CRACR2A: variants seen among roughly 807,000 people sequenced by gnomAD.
The protein encoded by CRACR2A is calcium release activated channel regulator 2A, also known as EF-hand calcium-binding domain-containing protein 4B.
CRACR2A carries 79 observed loss-of-function variants against 90.5 expected under a neutral mutation model. The ratio of observed to expected loss-of-function variants is 0.87; its 90% CI spans 0.73 to 1.05. The LOEUF is 1.05. CRACR2A is among the 50% of genes least tolerant of loss of function. The pLI is 0.00. For missense variants in CRACR2A, 823 were observed against 897.2 expected (o/e 0.92, Z 1.06); for synonymous variants, 338 against 356.7 (o/e 0.95, Z 0.59).
At chr12:3,627,371 T>C (rs746650561) in intron 17 of CRACR2A, 65 bp downstream of exon 17, 273 of 1,244,288 alleles carry the variant, frequency 2.2e-4, no homozygotes, top group Non-Finnish European at 2.9e-4. Context: ...ACGTGGGAGA[T>C]GGACAGAGAA....
At chr12:3,706,968 A>C (rs1215206962) in intron 3 of CRACR2A, among the ~76,000 whole-genome samples, 3 of 152,234 alleles carry the variant, frequency 2.0e-5, no homozygotes, top group Non-Finnish European at 4.4e-5. Flanking sequence ...TATTATAATA[A>C]AATGAACTAA....
At chr12:3,619,551 A>G (rs1867772703) in intron 17 of CRACR2A, among the ~76,000 whole-genome samples, 179 bp from the exon 18 acceptor site, 1 of 152,076 alleles carries the variant, frequency 6.6e-6, no homozygotes, top group Admixed American at 6.5e-5. Context: ...CAAGAGCCTC[A>G]GTTTATCATG....
chr12:3,719,772 C>T (rs1946129661), intron 2 of CRACR2A, among the ~76,000 whole-genome samples: 1 of 152,168 alleles, frequency 6.6e-6, no homozygotes, highest in African/African-American at 2.4e-5. Flanking sequence ...CTTATATCTG[C>T]TTTCATTGTC....
chr12:3,648,120 T>A (rs1201116708), intron 11 of CRACR2A: 1 of 1,014,392 alleles, frequency 9.9e-7, no homozygotes, highest in African/African-American at 1.7e-5. Context: ...AAATTACTTC[T>A]TTCCTCTAAT....
At chr12:3,720,149 G>C (rs1351782284) in intron 2 of CRACR2A, among the ~76,000 whole-genome samples, 1 of 106,528 alleles carries the variant, frequency 9.4e-6, no homozygotes, top group Admixed American at 1.4e-4. Flanking sequence ...AGAAAAGAAA[G>C]AAAGAAAGAG....
At chr12:3,697,698 C>A (rs1242799867) in intron 3 of CRACR2A, among the ~76,000 whole-genome samples, 1 of 152,188 alleles carries the variant, frequency 6.6e-6, no homozygotes, top group Non-Finnish European at 1.5e-5. Context: ...TGAGCTCTTG[C>A]CCAATGTCAT....
At chr12:3,656,541 G>A (rs917919846) in intron 8 of CRACR2A, 135 bp from the exon 9 acceptor site, 3 of 741,582 alleles carry the variant, frequency 4.0e-6, no homozygotes, top group Non-Finnish European at 6.9e-6. Flanking sequence ...CCACAGCACT[G>A]CAGGGCTCTG....
At chr12:3,663,932 C>A (rs1327003975) in intron 7 of CRACR2A, among the ~76,000 whole-genome samples, 3 of 152,190 alleles carry the variant, frequency 2.0e-5, no homozygotes, top group South Asian at 2.1e-4. Context: ...GCGTTTTGAA[C>A]ACACAGCAAC....
chr12:3,643,791 TTATATAA>T (rs1220272623), intron 12 of CRACR2A, among the ~76,000 whole-genome samples: 5 of 109,294 alleles, frequency 4.6e-5, no homozygotes, highest in Non-Finnish European at 7.0e-5. Context: ...ATATATATAT[TTATATAA>T]TATATATTAT....
chr12:3,618,577 C>T (rs1867742986), intron 18 of CRACR2A, among the ~76,000 whole-genome samples: 1 of 152,170 alleles, frequency 6.6e-6, no homozygotes. Flanking sequence ...CTCGTTCTCC[C>T]AGGCTCTGAA....
At chr12:3,653,273 G>A (rs776040851) in intron 10 of CRACR2A, among the ~76,000 whole-genome samples, 2 of 152,184 alleles carry the variant, frequency 1.3e-5, no homozygotes, top group African/African-American at 2.4e-5. Context: ...GAGCCACCGC[G>A]CCTGGCCCAG....
chr12:3,681,627 G>A (rs780611924), intron 4 of CRACR2A, among the ~76,000 whole-genome samples: 25 of 152,228 alleles, frequency 1.6e-4, no homozygotes, highest in Admixed American at 6.5e-4. Flanking sequence ...TTACCTAAGC[G>A]GTAACCGTGC....
Position 3,704,613 on chromosome 12 carries a change from A to G in CRACR2A, c.-36-7578T>C, listed in dbSNP as rs1316440265. Reference sequence around the variant, plus strand: ...GAACACATCTATTAAAAAATAGAAAAGAAGAATGGGTCTGGGTCAGAACCT... The same window carrying G: ...GAACACATCTATTAAAAAATAGAAAGGAAGAATGGGTCTGGGTCAGAACCT... On this transcript the variant is annotated intron_variant, in intron 3 of 19. Coordinates refer to ENST00000440314, the MANE Select transcript of CRACR2A (RefSeq NM_001144958.2). 2.0e-5 allele frequency among the ~76,000 whole-genome samples: 3 copies of G among 152,338 alleles called. No individual in the cohort carries two copies. The East Asian group carries it at 5.8e-4, about 29-fold the overall frequency.
chr12:3,718,718 G>A (rs80090209), intron 2 of CRACR2A, among the ~76,000 whole-genome samples: 4,938 of 152,272 alleles, frequency 0.032, 280 homozygotes, highest in African/African-American at 0.11. Context: ...AAAACAATGT[G>A]GCCAAAATGG....
intron 2 of CRACR2A, among the ~76,000 whole-genome samples, chr12:3,725,287 C>T (rs1368521030): frequency 2.1e-5 from 3 of 140,858 alleles, no homozygotes; most frequent in Non-Finnish European, 4.7e-5. Context: ...GCCAGAAGTC[C>T]TAAATCAAGG....
Position 3,717,575 on chromosome 12 carries a change from C to G in CRACR2A, c.-117-4258G>C, listed in dbSNP as rs74055990. The stretch of plus-strand genomic sequence containing the variant: ...ACTGAACGATAACAACAGCAATAAC[C>G]ATAAAATGATGAGAGCACACTTTTA... On this transcript the variant is annotated intron_variant, in intron 2 of 19. Coordinates refer to ENST00000440314, the MANE Select transcript of CRACR2A (RefSeq NM_001144958.2). Among the ~76,000 whole-genome samples the G allele has an allele frequency of 2.4e-3, 370 of 152,266 alleles. 3 individuals carry two copies. Among genetic ancestry groups the G allele is most frequent in the African/African-American group, 8.4e-3 (351 of 41,556 alleles).
intron 1 of CRACR2A, 36 bp downstream of exon 1, chr12:3,752,979 C>G (rs1184411208): frequency 6.6e-6 from 1 of 152,528 alleles, no homozygotes; most frequent in East Asian, 1.9e-4. Flanking sequence ...CCCCCGGCCG[C>G]CCCGGCCGCC....
intron 15 of CRACR2A, among the ~76,000 whole-genome samples, chr12:3,629,329 G>T (rs527872488): frequency 1.3e-5 from 2 of 152,330 alleles, no homozygotes; most frequent in East Asian, 1.9e-4. Context: ...GTTTCACCTA[G>T]AAGGCCCAGG....
intron 2 of CRACR2A, among the ~76,000 whole-genome samples, chr12:3,714,172 C>T (rs1427483138): frequency 4.6e-5 from 7 of 152,210 alleles, no homozygotes; most frequent in South Asian, 2.1e-4. Flanking sequence ...GGTAACACAG[C>T]GCTCATGTTC....
Sources: gnomAD v4.1 joint callset for allele counts (sites outside exome capture counted in the v4.1 genomes callset) on GRCh38, gnomAD v4.1.1 for gene constraint, MANE v1.5 for transcripts, NCBI Gene and HGNC (gene_info 2026-07-23, HGNC 2026-07-21) for gene names.